The following MAP2K5 variants were observed in gnomAD, a reference collection of about 807,000 sequenced individuals.
MAP2K5 encodes the protein dual specificity mitogen-activated protein kinase kinase 5.
In MAP2K5, 49 loss-of-function variants were observed where a neutral mutation model predicts 83.1. The observed-to-expected ratio is 0.59, with a 90% CI of 0.47 to 0.75. The LOEUF (loss-of-function observed/expected upper bound fraction) is 0.75. MAP2K5 is among the 30% of genes least tolerant of loss of function. The probability of loss-of-function intolerance (pLI) is 0.00; values close to 1 mark genes in which losing one functional copy is unlikely to be tolerated. For missense variants in MAP2K5, 457 were observed against 557.5 expected (o/e 0.82, Z 1.82); for synonymous variants, 202 against 191.8 (o/e 1.05, Z -0.44).
chr15:67,590,102 C>T (rs973464373), intron 6 of MAP2K5, among the ~76,000 whole-genome samples: 1 of 152,040 alleles, frequency 6.6e-6, no homozygotes, highest in African/African-American at 2.4e-5. Flanking sequence ...TTTAGTGCAT[C>T]GATTCTTAGA....
chr15:67,689,486 T>C (rs2141197278), intron 13 of MAP2K5, among the ~76,000 whole-genome samples: 1 of 151,230 alleles, frequency 6.6e-6, no homozygotes, highest in East Asian at 1.9e-4. Flanking sequence ...AATGATGAGG[T>C]TTTTTTTTCT....
chr15:67,578,731 T>C (rs1010332479), intron 3 of MAP2K5, among the ~76,000 whole-genome samples: 12 of 152,142 alleles, frequency 7.9e-5, no homozygotes, highest in Admixed American at 1.3e-4. Flanking sequence ...GGCACAGACC[T>C]AAAATGAAAG....
chr15:67,546,635 T>C, intron 1 of MAP2K5: 1 of 985,398 alleles, frequency 1.0e-6, no homozygotes, highest in Non-Finnish European at 1.2e-6. Flanking sequence ...TTTCTCTTTT[T>C]CCCTGGAGAC....
At chr15:67,789,583 G>A (rs2090478628) in intron 21 of MAP2K5, among the ~76,000 whole-genome samples, 1 of 152,034 alleles carries the variant, frequency 6.6e-6, no homozygotes, top group Non-Finnish European at 1.5e-5. Context: ...GTGTGGTGGG[G>A]GGACCCTGTA....
intron 15 of MAP2K5, among the ~76,000 whole-genome samples, chr15:67,703,012 C>A (rs1041436037): frequency 2.0e-5 from 3 of 152,210 alleles, no homozygotes; most frequent in Non-Finnish European, 4.4e-5. Flanking sequence ...GGGTTCAAGT[C>A]TCAGCTCATT....
chr15:67,746,089 C>T lies in MAP2K5; in HGVS notation c.1075-2142C>T, dbSNP rs905741611. On this transcript the variant is annotated intron_variant, in intron 17 of 21. Coordinates refer to ENST00000178640, the MANE Select transcript of MAP2K5 (RefSeq NM_145160.3). The surrounding 1 kb of genome is among the most constrained non-coding windows in gnomAD (Gnocchi z 4.1). ...TAATGAAGAGCAAGCATAAATAGTA[C>T]AGTTTTAAGTTGACTTAGACTAAGC... Among the ~76,000 whole-genome samples the T allele has an allele frequency of 6.6e-6, 1 of 152,138 alleles. No individual in the cohort carries two copies. Among genetic ancestry groups the T allele is most frequent in the African/African-American group, 2.4e-5 (1 of 41,440 alleles).
chr15:67,580,347 T>C (rs2085152135), intron 3 of MAP2K5, among the ~76,000 whole-genome samples: 1 of 152,210 alleles, frequency 6.6e-6, no homozygotes, highest in Non-Finnish European at 1.5e-5. Flanking sequence ...AATTGAATAA[T>C]GTTTGATTAA....
At chr15:67,695,090 C>T (rs1453024741) in intron 15 of MAP2K5, among the ~76,000 whole-genome samples, 1 of 140,774 alleles carries the variant, frequency 7.1e-6, no homozygotes. Context: ...ATGGGAACAT[C>T]ACACTCTGGG....
intron 14 of MAP2K5, 48 bp from the exon 15 acceptor site, chr15:67,693,470 T>C: frequency 6.9e-7 from 1 of 1,446,758 alleles, no homozygotes; most frequent in Non-Finnish European, 9.6e-7. Context: ...GCCCATTTTA[T>C]TTCCACATTA....
At chr15:67,597,041 C>T (rs1192126193) in intron 7 of MAP2K5, among the ~76,000 whole-genome samples, 2 of 151,750 alleles carry the variant, frequency 1.3e-5, no homozygotes, top group East Asian at 1.9e-4. Flanking sequence ...TGGTGGTGGG[C>T]GCCTGTAGTC....
intron 8 of MAP2K5, among the ~76,000 whole-genome samples, chr15:67,612,495 G>A (rs547407221): frequency 2.8e-4 from 42 of 152,306 alleles, no homozygotes; most frequent in African/African-American, 9.1e-4. Context: ...GAGGCATAGT[G>A]TCATGTGCAG....
At chr15:67,728,566 G>T (rs1022419684) in intron 17 of MAP2K5, among the ~76,000 whole-genome samples, 3 of 152,170 alleles carry the variant, frequency 2.0e-5, no homozygotes, top group African/African-American at 7.2e-5. Context: ...GTTTGAAAAT[G>T]ATTCCCCAGT....
At chr15:67,584,821 C>T (rs1010900548) in intron 4 of MAP2K5, among the ~76,000 whole-genome samples, 2 of 151,316 alleles carry the variant, frequency 1.3e-5, no homozygotes, top group Non-Finnish European at 2.9e-5. Flanking sequence ...CTCAGCCTCC[C>T]GAGTAGCTGG....
intron 9 of MAP2K5, among the ~76,000 whole-genome samples, chr15:67,631,522 C>T (rs1338711699): frequency 6.6e-6 from 1 of 152,142 alleles, no homozygotes; most frequent in Non-Finnish European, 1.5e-5. Context: ...TCATGTACAA[C>T]GTAAAGCCTA....
At chr15:67,656,326 ATT>A (rs11411357) in intron 11 of MAP2K5, among the ~76,000 whole-genome samples, 8 of 143,426 alleles carry the variant, frequency 5.6e-5, no homozygotes, top group East Asian at 2.0e-4. Context: ...AAACCTTTTA[ATT>A]TTTTTTTTTT....
intron 11 of MAP2K5, among the ~76,000 whole-genome samples, chr15:67,653,287 A>ATT (rs34282083): frequency 2.2e-5 from 3 of 138,434 alleles, no homozygotes; most frequent in African/African-American, 8.0e-5. Flanking sequence ...TGTTTAAAAT[A>ATT]TTTTTTTTTT....
chr15:67,790,926 A>G lies in MAP2K5; in HGVS notation c.1243-15720A>G, dbSNP rs948454568. Among the ~76,000 whole-genome samples the G allele has an allele frequency of 7.9e-4, 120 of 152,160 alleles. No homozygotes were observed. Among genetic ancestry groups the G allele is most frequent in the Admixed American group, 2.4e-3 (36 of 15,278 alleles). On this transcript the variant is annotated intron_variant, in intron 21 of 21. Transcript: ENST00000178640. The surrounding 1 kb of genome is among the most constrained non-coding windows in gnomAD (Gnocchi z 4.6). Reference sequence around the variant, plus strand: ...CTGTGAGGTTGATGCTGTTCTCCATATTTTACAGAAGACGAGTCAGAGCTA... The same window carrying G: ...CTGTGAGGTTGATGCTGTTCTCCATGTTTTACAGAAGACGAGTCAGAGCTA...
chr15:67,739,109 G>C (rs537394973), intron 17 of MAP2K5, among the ~76,000 whole-genome samples: 1 of 151,652 alleles, frequency 6.6e-6, no homozygotes, highest in East Asian at 1.9e-4. Context: ...GGGAGACCCC[G>C]TCTCTACAAA....
At chr15:67,590,442 C>CCTCTCTCTCTCTCTCT (rs2085378235) in intron 6 of MAP2K5, among the ~76,000 whole-genome samples, 2 of 5,820 alleles carry the variant, frequency 3.4e-4, no homozygotes, top group Non-Finnish European at 1.1e-3. Flanking sequence ...TCTCTCCCTC[C>CCTCTCTCTCTCTCTCT]CTCCCTCTCT....
Sources: gnomAD v4.1 joint callset for allele counts (sites outside exome capture counted in the v4.1 genomes callset) on GRCh38, gnomAD v4.1.1 for gene constraint, Gnocchi (gnomAD v3.1) non-coding constraint, MANE v1.5 for transcripts, NCBI Gene and HGNC (gene_info 2026-07-23, HGNC 2026-07-21) for gene names.